The following DLG2 variants were observed in gnomAD, a reference collection of about 807,000 sequenced individuals.
DLG2 encodes disks large homolog 2.
DLG2 carries 45 observed loss-of-function variants against 132.5 expected under a neutral mutation model. The observed-to-expected ratio is 0.34, with a 90% CI of 0.27 to 0.44. DLG2 has a LOEUF of 0.44. Ranked by LOEUF, DLG2 falls within the 20% of genes least tolerant of loss-of-function variation. The pLI is 1.00. For synonymous variants in DLG2, 424 were observed against 419.6 expected, an observed-to-expected ratio of 1.01 and a Z score of -0.13; for missense variants, 1,045 against 1,196.9, an observed-to-expected ratio of 0.87 and a Z score of 1.87.
intron 6 of DLG2, among the ~76,000 whole-genome samples, chr11:84,778,032 C>G (rs1319123572): frequency 1.3e-5 from 2 of 152,094 alleles, no homozygotes; most frequent in Non-Finnish European, 2.9e-5. Flanking sequence ...TTTGCCTAGA[C>G]CGATATCCAG....
chr11:83,500,301 C>A (rs931864429), intron 21 of DLG2, among the ~76,000 whole-genome samples: 2 of 152,026 alleles, frequency 1.3e-5, no homozygotes, highest in African/African-American at 4.8e-5. Context: ...TTAGGCAAGC[C>A]TTCTAACAAG....
chr11:84,006,595 T>A (rs996072400), intron 11 of DLG2, among the ~76,000 whole-genome samples: 4 of 150,426 alleles, frequency 2.7e-5, no homozygotes, highest in Non-Finnish European at 4.4e-5. Flanking sequence ...AATACCCTGC[T>A]TTGATCATTA....
chr11:84,120,011 G>A (rs1403036040), intron 9 of DLG2, among the ~76,000 whole-genome samples: 5 of 152,160 alleles, frequency 3.3e-5, no homozygotes, highest in African/African-American at 7.2e-5. Flanking sequence ...CTGGAAGGAG[G>A]GGACTAGGAA....
At chr11:83,983,849 C>T (rs532749082) in intron 11 of DLG2, among the ~76,000 whole-genome samples, 144 of 152,042 alleles carry the variant, frequency 9.5e-4, no homozygotes, top group Non-Finnish European at 1.7e-3. Flanking sequence ...CTCATGTTTC[C>T]CAAAACTGTT....
intron 7 of DLG2, among the ~76,000 whole-genome samples, chr11:84,413,108 A>G (rs1429153677): frequency 6.6e-6 from 1 of 152,188 alleles, no homozygotes; most frequent in Non-Finnish European, 1.5e-5. Flanking sequence ...AGTTAGGCTC[A>G]TAGACTCAGA....
chr11:85,588,189 C>A (rs2153231229), intron 3 of DLG2, among the ~76,000 whole-genome samples: 1 of 152,206 alleles, frequency 6.6e-6, no homozygotes, highest in Middle Eastern at 3.4e-3. Context: ...GGGTAATGAT[C>A]TTTTTGTGAT....
At chr11:83,495,725 C>T (rs1319195757) in intron 21 of DLG2, among the ~76,000 whole-genome samples, 4 of 152,176 alleles carry the variant, frequency 2.6e-5, no homozygotes, top group African/African-American at 9.6e-5. Flanking sequence ...ACCTCTCACT[C>T]ATGCCCACCT....
chr11:83,742,068 C>T (rs545249346), intron 18 of DLG2, among the ~76,000 whole-genome samples: 6 of 152,232 alleles, frequency 3.9e-5, no homozygotes, highest in Non-Finnish European at 8.8e-5. Context: ...CTTTTTATCT[C>T]TTTATCCCAG....
chr11:83,797,190 A>T (rs2043033980), intron 17 of DLG2, among the ~76,000 whole-genome samples: 1 of 151,936 alleles, frequency 6.6e-6, no homozygotes, highest in African/African-American at 2.4e-5. Flanking sequence ...ATACGGGAGG[A>T]ACAAATGTGA....
At chr11:83,986,294 G>A (rs569478875) in intron 11 of DLG2, among the ~76,000 whole-genome samples, 89 of 150,944 alleles carry the variant, frequency 5.9e-4, no homozygotes, top group African/African-American at 1.9e-3. Flanking sequence ...CCACCTATGA[G>A]TGAGAATATG....
At chr11:85,231,352 AC>A (rs1283685117) in intron 4 of DLG2, among the ~76,000 whole-genome samples, 6 of 151,924 alleles carry the variant, frequency 3.9e-5, no homozygotes, top group African/African-American at 1.2e-4. Flanking sequence ...CATTCAGTTA[AC>A]TTTTTATATC....
chr11:85,085,154 G>T (rs920361168), intron 6 of DLG2, among the ~76,000 whole-genome samples: 1 of 152,060 alleles, frequency 6.6e-6, no homozygotes, highest in Non-Finnish European at 1.5e-5. Context: ...TTTGTCCACT[G>T]TATTACTGAG....
chr11:84,106,317 T>C (rs2298830), intron 9 of DLG2, among the ~76,000 whole-genome samples: 119,490 of 151,976 alleles, frequency 0.79, 47,680 homozygotes, highest in Middle Eastern at 0.9. Context: ...TTTAAAGTCT[T>C]TCTCACATCC....
At chr11:84,972,058 G>A in intron 6 of DLG2, among the ~76,000 whole-genome samples, 1 of 152,012 alleles carries the variant, frequency 6.6e-6, no homozygotes, top group East Asian at 1.9e-4. Context: ...GACTCAGAGG[G>A]GGGGAAAACA....
At chr11:83,848,426 A>G (rs946510571) in intron 16 of DLG2, among the ~76,000 whole-genome samples, 1 of 152,110 alleles carries the variant, frequency 6.6e-6, no homozygotes, top group Non-Finnish European at 1.5e-5. Context: ...CCAAATTTCT[A>G]TTCAGTTGCT....
Position 83,863,926 on chromosome 11 carries a change from T to C in DLG2, c.1565+10494A>G, listed in dbSNP as rs202222077. On this transcript the variant is annotated intron_variant, in intron 16 of 27. Transcript: ENST00000376104. ...GAGAAGGGATGCTCACACATTTTATTATCAGGCAACATTGATATTGAAATG... is the reference window on the plus strand; with the variant it reads ...GAGAAGGGATGCTCACACATTTTATCATCAGGCAACATTGATATTGAAATG... Among the ~76,000 whole-genome samples the C allele has an allele frequency of 3.5e-4, 54 of 152,254 alleles. 1 individual carries two copies. In the East Asian group the frequency reaches 9.1e-3, roughly 26 times the overall value.
intron 15 of DLG2, among the ~76,000 whole-genome samples, chr11:83,907,858 G>T (rs1236096718): frequency 6.6e-6 from 1 of 151,938 alleles, no homozygotes; most frequent in Non-Finnish European, 1.5e-5. Flanking sequence ...CTGCTGCTTT[G>T]CACACACCTT....
intron 8 of DLG2, among the ~76,000 whole-genome samples, chr11:84,175,783 G>A (rs745595059): frequency 4.1e-4 from 63 of 152,034 alleles, no homozygotes; most frequent in Middle Eastern, 3.4e-3. Flanking sequence ...AAAATGCTTC[G>A]GGCTGCTTGT....
chr11:83,559,329 C>T (rs1236051088), intron 19 of DLG2, among the ~76,000 whole-genome samples: 1 of 152,114 alleles, frequency 6.6e-6, no homozygotes, highest in Non-Finnish European at 1.5e-5. Context: ...TGTCATTCTC[C>T]ATGTGAAGGG....
Sources: allele counts gnomAD v4.1 joint callset (sites outside exome capture counted in the v4.1 genomes callset), GRCh38; gene constraint gnomAD v4.1.1; transcripts MANE v1.5; gene names NCBI Gene and HGNC (gene_info 2026-07-23, HGNC 2026-07-21).